The following TUSC3 variants were observed in gnomAD, a reference collection of about 807,000 sequenced individuals.
TUSC3 encodes the protein dolichyl-diphosphooligosaccharide--protein glycosyltransferase subunit TUSC3.
A neutral mutation model predicts 44.8 loss-of-function variants in TUSC3; 45 were observed. That is an observed-to-expected ratio of 1.00 (90% CI 0.79 to 1.29). TUSC3 has a LOEUF of 1.29. Ranked by LOEUF, TUSC3 falls within the 50% of genes most tolerant of loss-of-function variation. TUSC3 has a pLI of 0.00. For synonymous variants in TUSC3, 212 were observed against 152.9 expected (o/e 1.39, Z -2.85); for missense variants, 519 against 437.9 (o/e 1.19, Z -1.65).
At chr8:15,581,774 T>A (rs1220673993) in intron 1 of TUSC3, among the ~76,000 whole-genome samples, 1 of 138,330 alleles carries the variant, frequency 7.2e-6, no homozygotes, top group Non-Finnish European at 1.5e-5. Flanking sequence ...TCTTTTTGTT[T>A]GTCTGTGCCC....
In TUSC3 at chr8:15,554,645, C is replaced by T. The variant is rs1468103634; in HGVS notation, c.138+14077C>T. Among the ~76,000 whole-genome samples, 10 of 146,420 alleles carry T rather than the reference C, an allele frequency of 6.8e-5. 1 individual carries two copies. The highest frequency in any genetic ancestry group is 1.4e-4 in the Non-Finnish European group (9 of 66,626). On this transcript the variant is annotated intron_variant, in intron 1 of 10. Coordinates refer to ENST00000503731, the MANE Select transcript of TUSC3 (RefSeq NM_006765.4). ...TGAGATGGAGTCTCACTCTGTCGCC[C>T]AGGCTGGAGTGCAGTGGCGTGATTT...
the TUSC3 span, among the ~76,000 whole-genome samples, chr8:15,836,198 G>A: frequency 6.6e-6 from 1 of 151,596 alleles, no homozygotes; most frequent in Non-Finnish European, 1.5e-5. Context: ...TAACACAGCT[G>A]GGCATGGTAG....
At chr8:15,624,752 T>G (rs1476501182) in intron 2 of TUSC3, among the ~76,000 whole-genome samples, 1 of 152,176 alleles carries the variant, frequency 6.6e-6, no homozygotes, top group Non-Finnish European at 1.5e-5. Context: ...GTGACTTGTA[T>G]TTTCCTCCTC....
intron 1 of TUSC3, among the ~76,000 whole-genome samples, chr8:15,595,385 T>G (rs2129152312): frequency 6.6e-6 from 1 of 152,226 alleles, no homozygotes; most frequent in Admixed American, 6.5e-5. Flanking sequence ...CCGCTCTGTT[T>G]CCATAGCTCA....
intron 1 of TUSC3, among the ~76,000 whole-genome samples, chr8:15,443,275 C>A (rs547568820): frequency 6.6e-6 from 1 of 151,406 alleles, no homozygotes; most frequent in African/African-American, 2.4e-5. Context: ...CTGGACTGAT[C>A]CTTCCACCTC....
At position 15,528,136 on chromosome 8, in the gene TUSC3, T is replaced by A. The variant is rs114756031; in HGVS notation, n.189+44653T>A. 9.1e-4 allele frequency among the ~76,000 whole-genome samples: 138 copies of A among 152,320 alleles called. 2 individuals carry two copies. Among genetic ancestry groups the A allele is most frequent in the African/African-American group, 3.2e-3 (133 of 41,582 alleles). Reference sequence around the variant, plus strand: ...ATAAAACATAATGATTAATTATAATTTCAATTAAGCACAATTTTGGTACTA... The same window carrying A: ...ATAAAACATAATGATTAATTATAATATCAATTAAGCACAATTTTGGTACTA... On this transcript the variant is annotated intron_variant and non_coding_transcript_variant, in intron 2 of 5. Coordinates refer to the TUSC3 transcript ENST00000503191.
rs572700405 is a variant in TUSC3, at chr8:15,739,333, G to C, written c.863-4205G>C. On this transcript the variant is annotated intron_variant, in intron 7 of 10. Coordinates refer to ENST00000503731, the MANE Select transcript of TUSC3 (RefSeq NM_006765.4). Reference sequence around the variant, plus strand: ...TTATTTATTTGGGAATAGCTTTATAGGAGTGTAGTTCATGAGCATACTTCT... The same window carrying C: ...TTATTTATTTGGGAATAGCTTTATACGAGTGTAGTTCATGAGCATACTTCT... 3.3e-5 allele frequency among the ~76,000 whole-genome samples: 5 copies of C among 152,134 alleles called. No homozygotes were observed. The South Asian group carries it at 1.0e-3, about 32-fold the overall frequency.
At chr8:15,447,212 A>G (rs1425125568) in intron 1 of TUSC3, among the ~76,000 whole-genome samples, 2 of 152,194 alleles carry the variant, frequency 1.3e-5, no homozygotes, top group Non-Finnish European at 2.9e-5. Flanking sequence ...AAAATCCCAG[A>G]AACAACTACT....
chr8:15,503,365 C>T (rs1052871272), intron 2 of TUSC3, among the ~76,000 whole-genome samples: 16 of 152,042 alleles, frequency 1.1e-4, no homozygotes, highest in South Asian at 6.2e-4. Flanking sequence ...TTTGAGCCAC[C>T]CCGTCTGTGG....
intron 1 of TUSC3, among the ~76,000 whole-genome samples, chr8:15,480,272 A>G (rs1800640224): frequency 6.6e-6 from 1 of 152,244 alleles, no homozygotes. Flanking sequence ...TAATTTGTAG[A>G]TCATATGCTA....
intron 3 of TUSC3, among the ~76,000 whole-genome samples, chr8:15,657,246 G>A (rs1311652882): frequency 2.0e-5 from 3 of 152,022 alleles, no homozygotes; most frequent in Non-Finnish European, 4.4e-5. Flanking sequence ...AAATCTTTAT[G>A]TTTTGCTTCC....
Position 15,445,928 on chromosome 8 carries a change from C to T in TUSC3, n.91+28623C>T, listed in dbSNP as rs372510388. ...GCGGAGGCGCCCCCCACCTTCCGGA[C>T]GGGGCGGCTGGCCGGACGGGGGCTG... is the stretch of plus-strand genomic sequence containing the variant. On this transcript the variant is annotated intron_variant and non_coding_transcript_variant, in intron 1 of 5. Coordinates refer to the TUSC3 transcript ENST00000503191. 1.1e-4 allele frequency among the ~76,000 whole-genome samples: 17 copies of T among 149,120 alleles called. 1 individual carries two copies. Among genetic ancestry groups the T allele is most frequent in the South Asian group, 1.1e-3 (5 of 4,636 alleles).
chr8:15,825,827 G>C, the TUSC3 span, among the ~76,000 whole-genome samples: 21,166 of 149,370 alleles, frequency 0.14, 1,628 homozygotes, highest in East Asian at 0.26. Context: ...TCTCTTAACT[G>C]TATGGTAATT....
At chr8:15,614,105 A>G (rs1485781425) in intron 1 of TUSC3, among the ~76,000 whole-genome samples, 2 of 151,818 alleles carry the variant, frequency 1.3e-5, no homozygotes, top group African/African-American at 2.4e-5. Context: ...AAGACTTGAG[A>G]ATTCTCAGAT....
intron 2 of TUSC3, among the ~76,000 whole-genome samples, chr8:15,523,964 G>C (rs1026696318): frequency 6.6e-6 from 1 of 150,414 alleles, no homozygotes; most frequent in Admixed American, 6.6e-5. Context: ...GCTGAGGCAG[G>C]AGAATCACTT....
chr8:15,474,669 T>C (rs1800550861), intron 1 of TUSC3, among the ~76,000 whole-genome samples: 1 of 152,202 alleles, frequency 6.6e-6, no homozygotes, highest in South Asian at 2.1e-4. Flanking sequence ...ATCACACTTT[T>C]TAACAAGTTA....
At chr8:15,645,490 G>T (rs549299839) in intron 2 of TUSC3, among the ~76,000 whole-genome samples, 1 of 151,970 alleles carries the variant, frequency 6.6e-6, no homozygotes, top group African/African-American at 2.4e-5. Flanking sequence ...TCCTCTGTAT[G>T]CTGTATAGCA....
intron 1 of TUSC3, among the ~76,000 whole-genome samples, chr8:15,437,783 T>C (rs1203676664): frequency 6.6e-6 from 1 of 152,018 alleles, no homozygotes; most frequent in Non-Finnish European, 1.5e-5. Context: ...ATACCTCGAG[T>C]TTCAGATTTT....
At chr8:15,613,925 G>A (rs1456629888) in intron 1 of TUSC3, among the ~76,000 whole-genome samples, 1 of 151,834 alleles carries the variant, frequency 6.6e-6, no homozygotes. Flanking sequence ...TTAGGCCTTT[G>A]AGATCTAATT....
Sources: allele counts gnomAD v4.1 joint callset (sites outside exome capture counted in the v4.1 genomes callset), GRCh38; gene constraint gnomAD v4.1.1; transcripts MANE v1.5; gene names NCBI Gene and HGNC (gene_info 2026-07-23, HGNC 2026-07-21).